The following PTPRN2 variants were observed in gnomAD, a reference collection of about 807,000 sequenced individuals.
PTPRN2 encodes protein tyrosine phosphatase receptor type N2, also known as receptor-type tyrosine-protein phosphatase N2.
A neutral mutation model predicts 118.8 loss-of-function variants in PTPRN2; 74 were observed. The observed-to-expected ratio is 0.62, with a 90% CI of 0.52 to 0.76. The LOEUF is 0.76. Among genes scored for constraint, PTPRN2 ranks in the 30% least tolerant of loss-of-function variants. PTPRN2 has a pLI of 0.00. For missense variants in PTPRN2, 1,481 were observed against 1,394.4 expected, an observed-to-expected ratio of 1.06 and a Z score of -0.99; for synonymous variants, 641 against 608.0, an observed-to-expected ratio of 1.05 and a Z score of -0.80.
chr7:158,170,143 C>T (rs1010089747), intron 5 of PTPRN2, among the ~76,000 whole-genome samples: 4 of 152,168 alleles, frequency 2.6e-5, no homozygotes, highest in African/African-American at 7.2e-5. Context: ...TGAGAAAGAG[C>T]GAGAGCGAGC....
At position 158,156,028 on chromosome 7, in the gene PTPRN2, AAACAACAC is replaced by A. The variant is rs374667139; in HGVS notation, c.910+10895_910+10902del. On this transcript the variant is annotated intron_variant, in intron 6 of 22. Coordinates refer to ENST00000389418, the MANE Select transcript of PTPRN2 (RefSeq NM_002847.5). Reference sequence around the variant, plus strand: ...CCAGCATGTTGTCTATTTTCACTGGAAACAACACAAGTGTAGTAAAATATATTCTGCTT... The same window carrying A: ...CCAGCATGTTGTCTATTTTCACTGGAAAGTGTAGTAAAATATATTCTGCTT... 2.9e-3 allele frequency among the ~76,000 whole-genome samples: 443 copies of A among 152,344 alleles called. 2 individuals are homozygous for A. Among genetic ancestry groups the A allele is most frequent in the African/African-American group, 9.9e-3 (412 of 41,582 alleles).
At chr7:158,341,567 ACACTCTCACCATAAGAGGTGACACCCG>A (rs1806803848) in intron 2 of PTPRN2, among the ~76,000 whole-genome samples, 1 of 118,972 alleles carries the variant, frequency 8.4e-6, no homozygotes, top group Non-Finnish European at 1.8e-5. Flanking sequence ...ACTCACACCC[ACACTCTCACCATAAGAGGTGACACCCG>A]CAGACATCAC....
At chr7:158,042,700 G>A (rs1385209077) in intron 11 of PTPRN2, among the ~76,000 whole-genome samples, 1 of 152,134 alleles carries the variant, frequency 6.6e-6, no homozygotes, top group Non-Finnish European at 1.5e-5. Flanking sequence ...AGCCACAGCC[G>A]GCTGATAGAC....
chr7:158,194,213 C>T (rs1211880043), intron 4 of PTPRN2, among the ~76,000 whole-genome samples: 8 of 152,284 alleles, frequency 5.3e-5, no homozygotes, highest in African/African-American at 7.2e-5. Context: ...TGCGCCTGCA[C>T]GCACACACCA....
chr7:157,925,333 A>T (rs549841148), intron 11 of PTPRN2, among the ~76,000 whole-genome samples: 5 of 152,082 alleles, frequency 3.3e-5, no homozygotes, highest in Non-Finnish European at 7.4e-5. Flanking sequence ...AGGCAAATGC[A>T]GTTATTGATA....
At chr7:158,098,035 C>T (rs1228307486) in intron 10 of PTPRN2, among the ~76,000 whole-genome samples, 2 of 152,116 alleles carry the variant, frequency 1.3e-5, no homozygotes, top group African/African-American at 2.4e-5. Flanking sequence ...CCCACACCCC[C>T]GTCCGTCCCT....
At position 157,632,554 on chromosome 7, in the gene PTPRN2, C is replaced by A. The variant is rs1007687037; in HGVS notation, c.2197-11045G>T. 3.3e-5 allele frequency among the ~76,000 whole-genome samples: 5 copies of A among 152,080 alleles called. No homozygotes were observed. Among genetic ancestry groups the A allele is most frequent in the South Asian group, 2.1e-4 (1 of 4,824 alleles). ...TTCATACGATTGATGGATTGTTTTACGTTGGGCATTTTTTAGCAAGATATC... is the reference window on the plus strand; with the variant it reads ...TTCATACGATTGATGGATTGTTTTAAGTTGGGCATTTTTTAGCAAGATATC... On this transcript the variant is annotated intron_variant, in intron 14 of 22. Transcript: ENST00000389418. The surrounding 1 kb of genome is among the most constrained non-coding windows in gnomAD (Gnocchi z 4.3).
chr7:158,228,953 G>A (rs1441000830), intron 3 of PTPRN2, among the ~76,000 whole-genome samples: 1 of 152,048 alleles, frequency 6.6e-6, no homozygotes, highest in African/African-American at 2.4e-5. Flanking sequence ...CTGCAACTCG[G>A]TCAAAGAGGC....
chr7:158,199,529 G>A lies in PTPRN2; in HGVS notation c.380+5642C>T, dbSNP rs1291082985. The stretch of plus-strand genomic sequence containing the variant: ...CTAATGTCGCCTTTATTTCATGAAT[G>A]GATGATTGGTTTTCAGCAAGTTACT... On this transcript the variant is annotated intron_variant, in intron 4 of 22. Transcript: ENST00000389418. Among the ~76,000 whole-genome samples, 3 of 152,160 alleles carry A rather than the reference G, an allele frequency of 2.0e-5. No homozygotes were observed. The East Asian group carries it at 5.8e-4, about 29-fold the overall frequency.
intron 12 of PTPRN2, among the ~76,000 whole-genome samples, chr7:157,751,281 C>T (rs543144025): frequency 5.9e-5 from 9 of 152,146 alleles, no homozygotes; most frequent in South Asian, 2.1e-4. Context: ...TTCCAGTTTG[C>T]GCGCACTGGA....
At chr7:157,971,436 C>G (rs1039697407) in intron 11 of PTPRN2, among the ~76,000 whole-genome samples, 1 of 152,150 alleles carries the variant, frequency 6.6e-6, no homozygotes, top group Non-Finnish European at 1.5e-5. Context: ...TCTTAAAGCT[C>G]TTGCTGTAAT....
chr7:157,956,310 C>T (rs1801183777), intron 11 of PTPRN2, among the ~76,000 whole-genome samples: 1 of 152,094 alleles, frequency 6.6e-6, no homozygotes, highest in African/African-American at 2.4e-5. Context: ...CTGCTGTAGC[C>T]GTGATCGCTC....
At position 158,098,503 on chromosome 7, in the gene PTPRN2, G is replaced by C. The variant is rs534910098; in HGVS notation, c.1643+12326C>G. Among the ~76,000 whole-genome samples the C allele has an allele frequency of 3.9e-5, 6 of 152,348 alleles. No individual in the cohort carries two copies. In the East Asian group the frequency reaches 1.2e-3, roughly 29 times the overall value. On this transcript the variant is annotated intron_variant, in intron 10 of 22. Transcript: ENST00000389418. ...CTCCCGGAATGCGGAGAAGCCGTCC[G>C]TGCTCAGAATCCGTCTTCCGACAGC...
chr7:157,560,383 C>T lies in PTPRN2; in HGVS notation c.2902+8519G>A, dbSNP rs568211218. Among the ~76,000 whole-genome samples the T allele has an allele frequency of 3.9e-5, 6 of 152,262 alleles. No homozygotes were observed. The highest frequency in any genetic ancestry group is 4.1e-4 in the South Asian group (2 of 4,820). ...CCCAGAGCGTGTTCCCCAAGACCAGCGGGTCTCATGCTGTCCACACGCTCC... is the reference window on the plus strand; with the variant it reads ...CCCAGAGCGTGTTCCCCAAGACCAGTGGGTCTCATGCTGTCCACACGCTCC... On this transcript the variant is annotated intron_variant, in intron 21 of 22. Transcript: ENST00000389418. The surrounding 1 kb of genome is among the most constrained non-coding windows in gnomAD (Gnocchi z 6.7).
intron 11 of PTPRN2, among the ~76,000 whole-genome samples, chr7:158,071,728 T>C (rs1485721192): frequency 1.6e-4 from 22 of 134,342 alleles, no homozygotes; most frequent in South Asian, 2.5e-4. Flanking sequence ...GTGGAGGTGC[T>C]CGTGGTGGTG....
chr7:158,481,994 A>G (rs1820681189), intron 2 of PTPRN2, among the ~76,000 whole-genome samples: 1 of 152,352 alleles, frequency 6.6e-6, no homozygotes, highest in Non-Finnish European at 1.5e-5. Flanking sequence ...TCAGGACTTC[A>G]GTAGAGGAAG....
At chr7:157,980,888 T>C (rs578257829) in intron 11 of PTPRN2, among the ~76,000 whole-genome samples, 4 of 152,306 alleles carry the variant, frequency 2.6e-5, no homozygotes, top group African/African-American at 9.6e-5. Context: ...GATCAGCCAG[T>C]TCCCACCAAG....
At chr7:158,132,164 C>T (rs1309627758) in intron 9 of PTPRN2, among the ~76,000 whole-genome samples, 1 of 150,742 alleles carries the variant, frequency 6.6e-6, no homozygotes, top group Non-Finnish European at 1.5e-5. Flanking sequence ...TACACATCTA[C>T]CAAACACACA....
At chr7:157,939,643 G>A (rs957563801) in intron 11 of PTPRN2, among the ~76,000 whole-genome samples, 2 of 152,250 alleles carry the variant, frequency 1.3e-5, no homozygotes, top group South Asian at 2.1e-4. Flanking sequence ...ATCGTCCAGT[G>A]TCTACTGAAA....
Sources: gnomAD v4.1 joint callset for allele counts (sites outside exome capture counted in the v4.1 genomes callset) on GRCh38, gnomAD v4.1.1 for gene constraint, Gnocchi (gnomAD v3.1) non-coding constraint, MANE v1.5 for transcripts, NCBI Gene and HGNC (gene_info 2026-07-23, HGNC 2026-07-21) for gene names.